The following CCDC88C variants were observed in gnomAD, a reference collection of about 807,000 sequenced individuals.
CCDC88C encodes protein Daple.
Under a neutral mutation model 198.8 loss-of-function variants are expected in CCDC88C, and 131 were observed. The observed-to-expected ratio is 0.66, with a 90% CI of 0.57 to 0.76. The LOEUF (loss-of-function observed/expected upper bound fraction) is 0.76. CCDC88C is among the 30% of genes least tolerant of loss of function. The pLI is 0.00. For synonymous variants in CCDC88C, 1,166 were observed against 1,114.7 expected (o/e 1.05, Z -0.92); for missense variants, 2,553 against 2,631.6 (o/e 0.97, Z 0.65).
At chr14:91,359,250 G>A (rs964436219) in intron 4 of CCDC88C, among the ~76,000 whole-genome samples, 3 of 147,820 alleles carry the variant, frequency 2.0e-5, no homozygotes, top group South Asian at 4.3e-4. Flanking sequence ...TGCAAGCTCC[G>A]GGCCATTCTC....
chr14:91,344,943 G>A (rs1035897320), intron 4 of CCDC88C, among the ~76,000 whole-genome samples: 33 of 151,008 alleles, frequency 2.2e-4, no homozygotes, highest in African/African-American at 5.3e-4. Context: ...CTACAGGTGC[G>A]CATCACCACA....
At chr14:91,345,470 C>T (rs186715605) in intron 4 of CCDC88C, among the ~76,000 whole-genome samples, 2 of 152,034 alleles carry the variant, frequency 1.3e-5, no homozygotes, top group East Asian at 1.9e-4. Context: ...GGATTACAGA[C>T]GTGAGCAGCC....
rs193123800 is a variant in CCDC88C at position 91,288,828 on chromosome 14, T to C, written c.4441+277A>G. 4,591 of 308,856 alleles carry C rather than the reference T, an allele frequency of 0.015. 62 individuals are homozygous for C. The highest frequency in any genetic ancestry group is 0.027 in the Middle Eastern group (29 of 1,060). The allele number at this position is 308,856 out of a possible 1,614,324, so 19.1% of individuals were successfully genotyped here. ...CTGAGGCAGGAGAATCACTTGAACC[T>C]GGGAGGCAGCCAGGCTGCACTCTAG... is the stretch of plus-strand genomic sequence containing the variant. On this transcript the variant is annotated intron_variant, in intron 25 of 29. Coordinates refer to ENST00000389857, the MANE Select transcript of CCDC88C (RefSeq NM_001080414.4). This position sits in a 1 kb window ranked among gnomAD's most constrained non-coding sequence, Gnocchi z 4.2.
rs375400399 is a variant in CCDC88C, at chr14:91,303,984, G to C, written c.3358-6C>G. On this transcript the variant is annotated splice_region_variant and splice_polypyrimidine_tract_variant and intron_variant, in intron 19 of 29. Coordinates refer to ENST00000389857, the MANE Select transcript of CCDC88C (RefSeq NM_001080414.4). ...CTCAGCGTGGAGTTCTCCACCTGCC[G>C]AGAGGGAGAAGCGCGGCGTGGCGCA... 8.8e-6 allele frequency: 14 copies of C among 1,595,476 alleles called. No homozygotes were observed. In the East Asian group the frequency reaches 2.7e-4, roughly 31 times the overall value.
chr14:91,343,559 T>C, intron 5 of CCDC88C, 40 bp downstream of exon 5: 3 of 1,612,406 alleles, frequency 1.9e-6, no homozygotes, highest in Non-Finnish European at 2.5e-6. Flanking sequence ...ATGAGATGGC[T>C]GGGGTAGGTC....
intron 25 of CCDC88C, among the ~76,000 whole-genome samples, chr14:91,286,061 C>T (rs1890395479): frequency 6.6e-6 from 1 of 152,156 alleles, no homozygotes; most frequent in Non-Finnish European, 1.5e-5. Flanking sequence ...GGCACCTGAA[C>T]GCCAACAATT....
intron 10 of CCDC88C, among the ~76,000 whole-genome samples, chr14:91,334,355 C>T (rs1392307093): frequency 6.6e-6 from 1 of 152,218 alleles, no homozygotes; most frequent in Non-Finnish European, 1.5e-5. Flanking sequence ...AGCAATCCTC[C>T]CACTTCAGAC....
chr14:91,322,891 C>T (rs948161091), intron 12 of CCDC88C, among the ~76,000 whole-genome samples: 5 of 148,920 alleles, frequency 3.4e-5, no homozygotes, highest in African/African-American at 1.2e-4. Context: ...ACTACTAAAA[C>T]GCCAGTGTTT....
At chr14:91,318,422 C>T (rs921344640) in intron 13 of CCDC88C, among the ~76,000 whole-genome samples, 1 of 152,118 alleles carries the variant, frequency 6.6e-6, no homozygotes, top group African/African-American at 2.4e-5. Context: ...TCTCAAAAAA[C>T]CGAGTCACTT....
intron 4 of CCDC88C, among the ~76,000 whole-genome samples, chr14:91,351,548 G>T (rs1762353294): frequency 1.3e-5 from 2 of 152,200 alleles, no homozygotes; most frequent in Non-Finnish European, 2.9e-5. Flanking sequence ...CCCCACCCAT[G>T]GGGAAGGAGG....
chr14:91,284,323 C>A lies in CCDC88C; in HGVS notation c.4442-806G>T, dbSNP rs995349294. Reference sequence around the variant, plus strand: ...CAGTTCGGCTTCTCCACCCATCAAGCCGTCTGCCCTCCCAGCCACTCAAAG... The same window carrying A: ...CAGTTCGGCTTCTCCACCCATCAAGACGTCTGCCCTCCCAGCCACTCAAAG... On this transcript the variant is annotated intron_variant, in intron 25 of 29. Coordinates refer to ENST00000389857, the MANE Select transcript of CCDC88C (RefSeq NM_001080414.4). The surrounding 1 kb of genome is among the most constrained non-coding windows in gnomAD (Gnocchi z 4.1). 2.0e-5 allele frequency among the ~76,000 whole-genome samples: 3 copies of A among 152,146 alleles called. No homozygotes were observed. The highest frequency in any genetic ancestry group is 7.2e-5 in the African/African-American group (3 of 41,424).
In CCDC88C at chr14:91,272,491, C is replaced by T; in HGVS notation, c.*134G>A. The T allele has an allele frequency of 1.1e-6, 1 of 892,154 alleles. No individual in the cohort carries two copies. The highest frequency in any genetic ancestry group is 1.7e-6 in the Non-Finnish European group (1 of 585,476). The allele number at this position is 892,154 out of a possible 1,614,324, so 55.3% of individuals were successfully genotyped here. ...ACAGTGTTTCCATTCACAGAACAAACAGCAGAAATGCGTGGGAACCCCTTT... is the reference window on the plus strand; with the variant it reads ...ACAGTGTTTCCATTCACAGAACAAATAGCAGAAATGCGTGGGAACCCCTTT... On this transcript the variant is annotated 3_prime_UTR_variant, in exon 30 of 30. Transcript: ENST00000389857.
intron 22 of CCDC88C, among the ~76,000 whole-genome samples, chr14:91,294,598 C>T (rs1018633762): frequency 6.6e-6 from 1 of 152,214 alleles, no homozygotes; most frequent in East Asian, 1.9e-4. Context: ...AAATACGCAG[C>T]AGATTTTGAA....
chr14:91,353,124 A>C (rs561127535), intron 4 of CCDC88C, among the ~76,000 whole-genome samples: 1 of 152,180 alleles, frequency 6.6e-6, no homozygotes, highest in African/African-American at 2.4e-5. Flanking sequence ...GAGTTTCAGG[A>C]GGTCTGTTTC....
In CCDC88C at chr14:91,339,248, C is replaced by T. The variant is rs372457859; in HGVS notation, c.809+30G>A. ...ACCAGAAACATGTCTGCAACACACA[C>T]AAAGGTAGGAGAAGCAGCCGGGGAC... is the stretch of plus-strand genomic sequence containing the variant. On this transcript the variant is annotated intron_variant, in intron 8 of 29. Coordinates refer to ENST00000389857, the MANE Select transcript of CCDC88C (RefSeq NM_001080414.4). This position sits in a 1 kb window ranked among gnomAD's most constrained non-coding sequence, Gnocchi z 5.8. The T allele has an allele frequency of 6.2e-7, 1 of 1,610,342 alleles. No individual in the cohort carries two copies. Among genetic ancestry groups the T allele is most frequent in the Non-Finnish European group, 8.5e-7 (1 of 1,179,036 alleles).
intron 25 of CCDC88C, chr14:91,285,493 A>G: frequency 2.0e-6 from 1 of 488,284 alleles, no homozygotes; most frequent in East Asian, 7.0e-5. Flanking sequence ...GAGTGTGACA[A>G]CTCATCTTCT....
rs1398847826 is a variant in CCDC88C at position 91,397,014 on chromosome 14, A to C, written c.270+11645T>G. On this transcript the variant is annotated intron_variant, in intron 3 of 29. Coordinates refer to ENST00000389857, the MANE Select transcript of CCDC88C (RefSeq NM_001080414.4). ...CAGAGCAAGACCCTGTCACCAAAAA[A>C]AAAAGAAAGAAAGAAAAAAACTTGA... 6.6e-5 allele frequency among the ~76,000 whole-genome samples: 10 copies of C among 152,346 alleles called. No individual in the cohort carries two copies. In the South Asian group the frequency reaches 1.0e-3, roughly 16 times the overall value.
Position 91,324,793 on chromosome 14 carries a change from G to C in CCDC88C, c.1328C>G (p.Ala443Gly). ...GWELEQLSKN[A>G]DLSDASRKSF... ...GCGCTACCTACCGTCTGACAAGTCT[G>C]CGTTCTTGGACAGCTGCTCCAGCTC... The change falls in exon 12 of 30, where the codon GCA (alanine) becomes GGA (glycine). Residue 443 changes from alanine to glycine, a missense_variant. By Grantham distance (60) the Ala-to-Gly change is moderately conservative. Coordinates refer to ENST00000389857, the MANE Select transcript of CCDC88C (RefSeq NM_001080414.4). 1 of 1,611,900 alleles carries C rather than the reference G, an allele frequency of 6.2e-7. No individual in the cohort carries two copies. The highest frequency in any genetic ancestry group is 8.5e-7 in the Non-Finnish European group (1 of 1,179,894).
At position 91,352,621 on chromosome 14, in the gene CCDC88C, C is replaced by T. The variant is rs1336316852; in HGVS notation, c.340+7021G>A. On this transcript the variant is annotated intron_variant, in intron 4 of 29. Transcript: ENST00000389857. The surrounding 1 kb of genome is among the most constrained non-coding windows in gnomAD (Gnocchi z 4.2). ...CCATTCAAACGCCCAAAACGTTTTG[C>T]AAATATGAAAATTATATATATATAC... Among the ~76,000 whole-genome samples, 7 of 151,920 alleles carry T rather than the reference C, an allele frequency of 4.6e-5. 1 individual carries two copies. Among genetic ancestry groups the T allele is most frequent in the Non-Finnish European group, 8.8e-5 (6 of 67,998 alleles).
Sources: gnomAD v4.1 joint callset for allele counts (sites outside exome capture counted in the v4.1 genomes callset) on GRCh38, gnomAD v4.1.1 for gene constraint, Gnocchi (gnomAD v3.1) non-coding constraint, MANE v1.5 for transcripts, NCBI Gene and HGNC (gene_info 2026-07-23, HGNC 2026-07-21) for gene names.